TOP6BL: variants seen among roughly 807,000 people sequenced by gnomAD.
TOP6BL encodes type 2 DNA topoisomerase 6 subunit B-like.
chr11:66,771,080 TACCTG>T, the TOP6BL span, among the ~76,000 whole-genome samples: 1 of 152,196 alleles, frequency 6.6e-6, no homozygotes, highest in Non-Finnish European at 1.5e-5. Context: ...TATTTCAAAT[TACCTG>T]ACACTCAATA....
At chr11:66,811,767 G>A in the TOP6BL span, among the ~76,000 whole-genome samples, 1 of 152,154 alleles carries the variant, frequency 6.6e-6, no homozygotes, top group Non-Finnish European at 1.5e-5. Flanking sequence ...TTAAAAAGGA[G>A]ATAAAATGGA....
At chr11:66,785,283 A>G in the TOP6BL span, among the ~76,000 whole-genome samples, 1 of 151,718 alleles carries the variant, frequency 6.6e-6, no homozygotes, top group African/African-American at 2.4e-5. Context: ...CTAATACCCC[A>G]TTACTTTCTG....
At chr11:66,745,220 T>C in the TOP6BL span, among the ~76,000 whole-genome samples, 4 of 146,476 alleles carry the variant, frequency 2.7e-5, no homozygotes, top group Middle Eastern at 0.014. Context: ...CGGAGGTGCC[T>C]GCCGGAGCCC....
At chr11:66,761,077 G>C in the TOP6BL span, among the ~76,000 whole-genome samples, 4 of 149,090 alleles carry the variant, frequency 2.7e-5, no homozygotes, top group African/African-American at 7.4e-5. Context: ...GATTTGTATA[G>C]AAAACAACGA....
chr11:66,778,034 A>G, the TOP6BL span, among the ~76,000 whole-genome samples: 60 of 152,110 alleles, frequency 3.9e-4, no homozygotes, highest in Non-Finnish European at 8.2e-4. Context: ...GAACCTTTTA[A>G]TAAGTGTTTA....
At chr11:66,839,327 C>A in the TOP6BL span, 2 of 393,606 alleles carry the variant, frequency 5.1e-6, no homozygotes, top group South Asian at 3.7e-5. Context: ...CCACAGATAT[C>A]AATAAACTTA....
the TOP6BL span, chr11:66,758,302 C>CTTTTTTTTTTTTTTTTTTTTTTTTTTT: frequency 3.0e-5 from 2 of 67,318 alleles, no homozygotes; most frequent in Non-Finnish European, 4.9e-5. Context: ...TTTTCTTTTT[C>CTTTTTTTTTTTTTTTTTTTTTTTTTTT]TTTTTTTTTT....
the TOP6BL span, among the ~76,000 whole-genome samples, chr11:66,766,302 G>C: frequency 6.6e-6 from 1 of 152,014 alleles, no homozygotes; most frequent in Non-Finnish European, 1.5e-5. Flanking sequence ...TCTGGATCTG[G>C]AATACTTTAG....
At chr11:66,788,927 G>A in the TOP6BL span, among the ~76,000 whole-genome samples, 1 of 152,066 alleles carries the variant, frequency 6.6e-6, no homozygotes, top group Non-Finnish European at 1.5e-5. Flanking sequence ...CCTGGCTCTG[G>A]TGTATCTTTT....
the TOP6BL span, among the ~76,000 whole-genome samples, chr11:66,823,592 G>A: frequency 3.9e-5 from 6 of 152,020 alleles, no homozygotes; most frequent in East Asian, 3.9e-4. Flanking sequence ...AGGCTGAGGC[G>A]GTGGATTGCT....
At chr11:66,763,365 T>C in the TOP6BL span, among the ~76,000 whole-genome samples, 1 of 152,324 alleles carries the variant, frequency 6.6e-6, no homozygotes, top group South Asian at 2.1e-4. Flanking sequence ...GACCCTAATT[T>C]TGTTTAGGTT....
the TOP6BL span, among the ~76,000 whole-genome samples, chr11:66,812,661 G>T: frequency 6.6e-6 from 1 of 152,302 alleles, no homozygotes; most frequent in South Asian, 2.1e-4. Context: ...CCATAAGAAA[G>T]AGGATGAAAA....
the TOP6BL span, chr11:66,828,557 C>A: frequency 3.6e-6 from 2 of 558,390 alleles, no homozygotes; most frequent in Non-Finnish European, 6.4e-6. Context: ...TGCCTGGTGT[C>A]CAATGTCTTG....
At chr11:66,824,567 G>A in the TOP6BL span, among the ~76,000 whole-genome samples, 6 of 150,914 alleles carry the variant, frequency 4.0e-5, no homozygotes, top group Non-Finnish European at 3.0e-5. Flanking sequence ...TTTAACATTA[G>A]GTATACCTCC....
chr11:66,833,780 T>G, the TOP6BL span, among the ~76,000 whole-genome samples: 1 of 151,970 alleles, frequency 6.6e-6, no homozygotes, highest in African/African-American at 2.4e-5. Flanking sequence ...AAATTCCGTC[T>G]CTACTAAAAA....
the TOP6BL span, among the ~76,000 whole-genome samples, chr11:66,825,794 G>C: frequency 3.3e-5 from 5 of 151,492 alleles, no homozygotes; most frequent in South Asian, 2.1e-4. Flanking sequence ...AATGTGTGCT[G>C]ACCAACTGGT....
At chr11:66,808,326 C>A in the TOP6BL span, among the ~76,000 whole-genome samples, 1 of 152,050 alleles carries the variant, frequency 6.6e-6, no homozygotes, top group Non-Finnish European at 1.5e-5. Context: ...CTTGAGCCTG[C>A]AAGTTCGAGA....
At chr11:66,757,260 A>G in the TOP6BL span, among the ~76,000 whole-genome samples, 1 of 152,014 alleles carries the variant, frequency 6.6e-6, no homozygotes, top group Non-Finnish European at 1.5e-5. Context: ...GGAGAATTGC[A>G]TGAACCTGGG....
chr11:66,801,198 G>T, the TOP6BL span: 1 of 1,286,388 alleles, frequency 7.8e-7, no homozygotes, highest in Non-Finnish European at 1.1e-6. Context: ...CTTGTCATTT[G>T]TAAGTGCCAG....
Sources: gnomAD v4.1 joint callset for allele counts (sites outside exome capture counted in the v4.1 genomes callset) on GRCh38, gnomAD v4.1.1 for gene constraint, MANE v1.5 for transcripts, NCBI Gene and HGNC (gene_info 2026-07-23, HGNC 2026-07-21) for gene names.